PLTP: variants seen among roughly 807,000 people sequenced by gnomAD.
The protein encoded by PLTP is phospholipid transfer protein.
In PLTP, 43 loss-of-function variants were observed where a neutral mutation model predicts 54.1. That is an observed-to-expected ratio of 0.79 (90% confidence interval 0.62 to 1.02). The LOEUF is 1.02. Ranked by LOEUF, PLTP falls within the 50% of genes least tolerant of loss-of-function variation. The pLI, the probability that PLTP is intolerant of heterozygous loss-of-function variation, is 0.00. For synonymous variants in PLTP, 263 were observed against 264.6 expected (o/e 0.99, Z 0.06); for missense variants, 604 against 645.9 (o/e 0.94, Z 0.70).
intron 8 of PLTP, 21 bp from the exon 9 acceptor site, chr20:45,905,139 T>C: frequency 1.2e-6 from 2 of 1,612,458 alleles, no homozygotes; most frequent in Non-Finnish European, 1.7e-6. Flanking sequence ...GCATTCACAG[T>C]CAGGGTCAAG....
At position 45,911,423 on chromosome 20, in the gene PLTP, C is replaced by T. The variant is rs992750300; in HGVS notation, c.30G>A (p.Ala10=). ...ACTCTGCATGTGCGCCTGCCAGCAG[C>T]GCTAGGAAGAGGGCCCCGAAGAGGG... MALFGALFL[A]LLAGAHAEFP... The change falls in exon 2 of 16, where the codon GCG becomes GCA. Residue 10 remains alanine (A), a synonymous_variant. Coordinates refer to ENST00000372431, the MANE Select transcript of PLTP (RefSeq NM_006227.4). 6.2e-7 allele frequency: 1 copy of T among 1,607,100 alleles called. No individual in the cohort carries two copies. The highest frequency in any genetic ancestry group is 8.5e-7 in the Non-Finnish European group (1 of 1,179,960).
chr20:45,911,315 T>C (rs1247278602), intron 2 of PLTP, 38 bp downstream of exon 2: 12 of 1,613,708 alleles, frequency 7.4e-6, no homozygotes, highest in Non-Finnish European at 1.0e-5. Flanking sequence ...CCCAACCCCG[T>C]CCGCTCCCGT....
At chr20:45,907,199 C>T (rs1411286475) in intron 7 of PLTP, among the ~76,000 whole-genome samples, 10 of 151,394 alleles carry the variant, frequency 6.6e-5, no homozygotes, top group Admixed American at 3.3e-4. Context: ...TGGTGGTGCA[C>T]GCCTGTAGTC....
intron 10 of PLTP, 32 bp downstream of exon 10, chr20:45,904,768 G>A (rs751809643): frequency 1.3e-5 from 21 of 1,610,758 alleles, no homozygotes; most frequent in Non-Finnish European, 1.7e-5. Flanking sequence ...TGGTGTGCAG[G>A]TGGCCCTATC....
At chr20:45,903,282 C>T (rs1167842065) in intron 10 of PLTP, among the ~76,000 whole-genome samples, 2 of 152,254 alleles carry the variant, frequency 1.3e-5, no homozygotes, top group African/African-American at 2.4e-5. Flanking sequence ...TCACTGCAGC[C>T]TCAACCTCCT....
At chr20:45,909,874 C>G (rs1444282728) in intron 4 of PLTP, 68 bp downstream of exon 4, 1 of 1,567,238 alleles carries the variant, frequency 6.4e-7, no homozygotes, top group Non-Finnish European at 8.8e-7. Flanking sequence ...GGGGGCTGCC[C>G]ACAGCCCCAC....
rs924551628 is a variant in PLTP, at chr20:45,911,134, G to A, written c.200+18C>T. 1 of 1,612,634 alleles carries A rather than the reference G, an allele frequency of 6.2e-7. No individual in the cohort carries two copies. Among genetic ancestry groups the A allele is most frequent in the Non-Finnish European group, 8.5e-7 (1 of 1,178,720 alleles). Reference sequence around the variant, plus strand: ...CCGAGGCCCCGCCCCGGATCGCGAGGCCCCGCCCCCCACTTACTCAGAGAT... The same window carrying A: ...CCGAGGCCCCGCCCCGGATCGCGAGACCCCGCCCCCCACTTACTCAGAGAT... On this transcript the variant is annotated intron_variant, in intron 3 of 15. Coordinates refer to ENST00000372431, the MANE Select transcript of PLTP (RefSeq NM_006227.4).
Position 45,910,972 on chromosome 20 carries a change from A to G in PLTP, c.200+180T>C, listed in dbSNP as rs2083284274. On this transcript the variant is annotated intron_variant, in intron 3 of 15. Transcript: ENST00000372431. ...CACGCCCATCTGCCTGGTCCCGCCT[A>G]TGATGACTGGCTTGGCCTTTATCTT... 6 of 1,491,402 alleles carry G rather than the reference A, an allele frequency of 4.0e-6. No individual in the cohort carries two copies. In the South Asian group the frequency reaches 6.7e-5, roughly 17 times the overall value. The allele number at this position is 1,491,402 out of a possible 1,614,324, so 92.4% of individuals were successfully genotyped here.
intron 8 of PLTP, among the ~76,000 whole-genome samples, 154 bp from the exon 9 acceptor site, chr20:45,905,272 G>T (rs1316702096): frequency 6.6e-6 from 1 of 152,190 alleles, no homozygotes; most frequent in East Asian, 1.9e-4. Context: ...CTCTTAAAAG[G>T]CATTGGAAGG....
Position 45,911,808 on chromosome 20 carries a change from G to C in PLTP, c.-12+271C>G, listed in dbSNP as rs1022474243. On this transcript the variant is annotated intron_variant, in intron 1 of 15. Transcript: ENST00000372431. ...GCGGTGGGCCCATGCAGGCTTGCAC[G>C]TTGCCACGGCAACGACTGCACGCGC... 1.4e-4 allele frequency: 56 copies of C among 388,718 alleles called. 1 individual carries two copies. Among genetic ancestry groups the C allele is most frequent in the Non-Finnish European group, 6.3e-5 (13 of 206,506 alleles). The allele number at this position is 388,718 out of a possible 1,614,324, so 24.1% of individuals were successfully genotyped here.
intron 10 of PLTP, among the ~76,000 whole-genome samples, chr20:45,904,343 T>C (rs1345047479): frequency 6.6e-6 from 1 of 152,078 alleles, no homozygotes; most frequent in African/African-American, 2.4e-5. Flanking sequence ...AAGCCTGTAA[T>C]TCCAGCTACT....
At chr20:45,909,487 G>A (rs777872332) in intron 5 of PLTP, 29 bp downstream of exon 5, 35 of 1,613,290 alleles carry the variant, frequency 2.2e-5, no homozygotes, top group Non-Finnish European at 3.0e-5. Context: ...GCTCGAAAAG[G>A]GTGAGCTGGG....
intron 8 of PLTP, among the ~76,000 whole-genome samples, chr20:45,905,666 C>G (rs2145836105): frequency 6.6e-6 from 1 of 152,336 alleles, no homozygotes; most frequent in South Asian, 2.1e-4. Context: ...GTCTCAAACT[C>G]CTGGGCTCAA....
At chr20:45,906,736 C>CA (rs879764319) in intron 7 of PLTP, among the ~76,000 whole-genome samples, 32,595 of 126,852 alleles carry the variant, frequency 0.26, 6,214 homozygotes, top group Middle Eastern at 0.4. Flanking sequence ...ACTAAAAATA[C>CA]AAAAATTAGT....
At chr20:45,906,637 C>A (rs1259722487) in intron 7 of PLTP, among the ~76,000 whole-genome samples, 2 of 152,124 alleles carry the variant, frequency 1.3e-5, no homozygotes, top group African/African-American at 4.8e-5. Context: ...CACCTGTAAT[C>A]CCAGCACTTA....
rs779125405 is a variant in PLTP, at chr20:45,906,320, G to A, written c.653C>T (p.Ser218Phe). 3.1e-6 allele frequency: 5 copies of A among 1,613,946 alleles called. No individual in the cohort carries two copies. The South Asian group carries it at 5.5e-5, about 18-fold the overall frequency. The change falls in exon 8 of 16, where the codon TCC (serine) becomes TTC (phenylalanine). Residue 218 changes from serine to phenylalanine, a missense_variant. Coordinates refer to ENST00000372431, the MANE Select transcript of PLTP (RefSeq NM_006227.4). ...GGAAGCCACAGGATCCTTCATGAGG[G>A]AATAGTCAATGCCAACAAGCTCGTC... ...SVDELVGIDY[S>F]LMKDPVASTS...
At position 45,901,504 on chromosome 20, in the gene PLTP, C is replaced by T. The variant is rs6073948; in HGVS notation, c.1175+763G>A. Among the ~76,000 whole-genome samples, 1,348 of 152,146 alleles carry T rather than the reference C, an allele frequency of 8.9e-3. 14 individuals carry two copies. The highest frequency in any genetic ancestry group is 0.019 in the East Asian group (96 of 5,160). On this transcript the variant is annotated intron_variant, in intron 12 of 15. Coordinates refer to ENST00000372431, the MANE Select transcript of PLTP (RefSeq NM_006227.4). ...AGTTACTCGGGAGGCTGAGGCTGGA[C>T]GATCACTTGAGCCCAGGAGGTCAAG...
At position 45,898,887 on chromosome 20, in the gene PLTP, G is replaced by A. The variant is rs1568768872; in HGVS notation, c.*54C>T. ...CAGGCTATGAATGTGGGAAAAGAGGGGCTGAGAGGGGTTGGGGTCCTGAAT... is the reference window on the plus strand; with the variant it reads ...CAGGCTATGAATGTGGGAAAAGAGGAGCTGAGAGGGGTTGGGGTCCTGAAT... On this transcript the variant is annotated 3_prime_UTR_variant, in exon 16 of 16. Transcript: ENST00000372431. The surrounding 1 kb of genome is among the most constrained non-coding windows in gnomAD (Gnocchi z 4.6). The A allele has an allele frequency of 6.3e-6, 10 of 1,599,060 alleles. No homozygotes were observed. The highest frequency in any genetic ancestry group is 8.5e-6 in the Non-Finnish European group (10 of 1,170,690).
chr20:45,911,853 C>A (rs2083297363), intron 1 of PLTP: 1 of 324,786 alleles, frequency 3.1e-6, no homozygotes, highest in Non-Finnish European at 5.9e-6. Context: ...GGGTGGCTTG[C>A]GGTCTCCTAG....
Sources: allele counts gnomAD v4.1 joint callset (sites outside exome capture counted in the v4.1 genomes callset), GRCh38; gene constraint gnomAD v4.1.1; non-coding constraint Gnocchi (gnomAD v3.1); transcripts MANE v1.5; gene names NCBI Gene and HGNC (gene_info 2026-07-23, HGNC 2026-07-21).